RASGEF1B: variants seen among roughly 807,000 people sequenced by gnomAD.
RASGEF1B encodes the protein RasGEF domain family member 1B.
RASGEF1B carries 30 observed loss-of-function variants against 65.7 expected under a neutral mutation model. The ratio of observed to expected loss-of-function variants is 0.46; its 90% CI spans 0.34 to 0.62. The LOEUF is 0.62. Ranked by LOEUF, RASGEF1B falls within the 20% of genes least tolerant of loss-of-function variation. The pLI is 0.01. For synonymous variants in RASGEF1B, 175 were observed against 194.8 expected, an observed-to-expected ratio of 0.90 and a Z score of 0.85; for missense variants, 495 against 580.1, an observed-to-expected ratio of 0.85 and a Z score of 1.51.
At chr4:81,457,003 T>A (rs946370689) in intron 3 of RASGEF1B, among the ~76,000 whole-genome samples, 9 of 152,316 alleles carry the variant, frequency 5.9e-5, no homozygotes, top group South Asian at 2.1e-4. Context: ...ATTTATTTTT[T>A]AAAATTTTTA....
intron 1 of RASGEF1B, among the ~76,000 whole-genome samples, chr4:81,461,012 T>G (rs1410018992): frequency 7.1e-6 from 1 of 141,164 alleles, no homozygotes; most frequent in Non-Finnish European, 1.5e-5. Flanking sequence ...GGATATAACA[T>G]TAACACAGAT....
At chr4:81,429,074 G>T (rs965592260) in intron 13 of RASGEF1B, among the ~76,000 whole-genome samples, 1 of 152,240 alleles carries the variant, frequency 6.6e-6, no homozygotes, top group Admixed American at 6.5e-5. Context: ...GACATTAGGG[G>T]AAGACCCTGT....
Position 81,427,648 on chromosome 4 carries a change from T to C in RASGEF1B, c.*120A>G. 1 of 1,049,842 alleles carries C rather than the reference T, an allele frequency of 9.5e-7. No homozygotes were observed. The highest frequency in any genetic ancestry group is 1.4e-6 in the Non-Finnish European group (1 of 717,406). 65.0% of individuals were successfully genotyped at this position (1,049,842 alleles called of 1,614,324 possible). ...AGCTTGTGTGCTTTGCTGACCCGGG[T>C]GCTCCAATGACTGCAGGGTCTTCAT... On this transcript the variant is annotated 3_prime_UTR_variant, in exon 14 of 14. Transcript: ENST00000264400.
At position 81,461,185 on chromosome 4, in the gene RASGEF1B, G is replaced by A. The variant is rs139656383; in HGVS notation, c.-6-1671C>T. On this transcript the variant is annotated intron_variant, in intron 1 of 13. Coordinates refer to ENST00000264400, the MANE Select transcript of RASGEF1B (RefSeq NM_152545.3). Reference sequence around the variant, plus strand: ...AGTACTACTCCTGTGCAATATAATCGTTGCAAACTGGCCATCCTTGGCGGC... The same window carrying A: ...AGTACTACTCCTGTGCAATATAATCATTGCAAACTGGCCATCCTTGGCGGC... Among the ~76,000 whole-genome samples the A allele has an allele frequency of 6.6e-3, 999 of 152,226 alleles. 10 individuals are homozygous for A. The highest frequency in any genetic ancestry group is 0.022 in the African/African-American group (918 of 41,538).
At chr4:81,450,842 A>T (rs1400848606) in intron 4 of RASGEF1B, 1 of 152,224 alleles carries the variant, frequency 6.6e-6, no homozygotes, top group Non-Finnish European at 1.5e-5. Flanking sequence ...CAGCCTGGGT[A>T]ACAAAGTGAG....
intron 2 of RASGEF1B, chr4:81,459,125 A>G (rs775071620): frequency 1.1e-4 from 52 of 480,262 alleles, no homozygotes; most frequent in Non-Finnish European, 1.7e-4. Flanking sequence ...TAACCTGAAA[A>G]GAAATTGATA....
chr4:81,464,203 C>T (rs537024792), intron 1 of RASGEF1B, among the ~76,000 whole-genome samples: 226 of 152,302 alleles, frequency 1.5e-3, no homozygotes, highest in African/African-American at 5.2e-3. Context: ...CTCTCCACTG[C>T]CTGCCATCTG....
intron 4 of RASGEF1B, among the ~76,000 whole-genome samples, chr4:81,450,538 T>TGTTGTC (rs1253978545): frequency 4.0e-5 from 6 of 150,048 alleles, no homozygotes; most frequent in African/African-American, 1.5e-4. Context: ...GCTAATTTGT[T>TGTTGTC]GTTGTTGTTG....
chr4:81,440,806 T>C (rs1487411434), intron 10 of RASGEF1B, 28 bp downstream of exon 10: 2 of 1,446,098 alleles, frequency 1.4e-6, no homozygotes, highest in Admixed American at 1.8e-5. Context: ...AACTCTACCA[T>C]AAGAAAGATA....
intron 10 of RASGEF1B, among the ~76,000 whole-genome samples, chr4:81,440,104 A>G (rs1289073890): frequency 6.6e-6 from 1 of 152,160 alleles, no homozygotes; most frequent in Non-Finnish European, 1.5e-5. Flanking sequence ...ACCGAAAATA[A>G]CCTCCATCAA....
Position 81,427,545 on chromosome 4 carries a change from C to T in RASGEF1B, c.*223G>A. On this transcript the variant is annotated 3_prime_UTR_variant, in exon 14 of 14. Transcript: ENST00000264400. ...TAGAGGATTCTTTCTCAAGTGTCTTCAGTGAACATTTCAGTCTCACAAAAT... is the reference window on the plus strand; with the variant it reads ...TAGAGGATTCTTTCTCAAGTGTCTTTAGTGAACATTTCAGTCTCACAAAAT... The T allele has an allele frequency of 2.0e-6, 1 of 495,288 alleles. No homozygotes were observed. The highest frequency in any genetic ancestry group is 3.6e-6 in the Non-Finnish European group (1 of 281,540). 30.7% of individuals were successfully genotyped at this position (495,288 alleles called of 1,614,324 possible).
rs543384230 is a variant in RASGEF1B at position 81,466,615 on chromosome 4, T to C, written c.-7+5155A>G. Among the ~76,000 whole-genome samples the C allele has an allele frequency of 6.6e-4, 100 of 151,290 alleles. 2 individuals are homozygous for C. Among genetic ancestry groups the C allele is most frequent in the Non-Finnish European group, 1.1e-3 (76 of 67,774 alleles). ...TCTACTAAAAACACAAAAAATTAGC[T>C]GGGCGTGGTGGCGGGTGCCTGTAGT... On this transcript the variant is annotated intron_variant, in intron 1 of 13. Coordinates refer to ENST00000264400, the MANE Select transcript of RASGEF1B (RefSeq NM_152545.3).
intron 7 of RASGEF1B, 46 bp from the exon 8 acceptor site, chr4:81,445,674 C>T (rs1386153874): frequency 1.9e-6 from 3 of 1,582,658 alleles, no homozygotes; most frequent in Non-Finnish European, 2.6e-6. Flanking sequence ...GTATGAAGGC[C>T]CAACAGTTCT....
intron 9 of RASGEF1B, among the ~76,000 whole-genome samples, chr4:81,441,851 T>C (rs1721849675): frequency 6.6e-6 from 1 of 152,148 alleles, no homozygotes; most frequent in African/African-American, 2.4e-5. Context: ...CCCACAATTC[T>C]TACTATCCTC....
chr4:81,453,214 G>T (rs773757147), intron 4 of RASGEF1B: 4 of 152,162 alleles, frequency 2.6e-5, no homozygotes, highest in African/African-American at 9.7e-5. Context: ...AACAAAGAGG[G>T]CACAGCATGG....
At chr4:81,428,275 A>C (rs931177033) in intron 13 of RASGEF1B, among the ~76,000 whole-genome samples, 5 of 152,224 alleles carry the variant, frequency 3.3e-5, no homozygotes, top group Admixed American at 6.5e-5. Flanking sequence ...AGGGCCACCA[A>C]GAAAAGCATC....
chr4:81,445,800 T>G lies in RASGEF1B; in HGVS notation c.768A>C (p.Glu256Asp), dbSNP rs780314098. Residue 256 changes from glutamate (E) to aspartate (D), a missense_variant, in exon 7 of 14, where the codon GAA (glutamate) becomes GAC (aspartate). Glu to Asp is a conservative substitution (Grantham distance 45, BLOSUM62 2). Transcript: ENST00000264400. ...YSERKKTRNL[E>D]AYVEWFNRLS... is the part of the protein sequence containing the mutation. Reference sequence around the variant, plus strand: ...GGCGATTAAACCATTCCACGTAAGCTTCTAAGTTTCGTGTTTTCTTCCGTT... The same window carrying G: ...GGCGATTAAACCATTCCACGTAAGCGTCTAAGTTTCGTGTTTTCTTCCGTT... The G allele has an allele frequency of 3.1e-6, 5 of 1,614,150 alleles. No individual in the cohort carries two copies. Among genetic ancestry groups the G allele is most frequent in the Non-Finnish European group, 4.2e-6 (5 of 1,179,986 alleles).
At chr4:81,435,774 CTTT>C (rs34304493) in intron 10 of RASGEF1B, among the ~76,000 whole-genome samples, 3 of 91,590 alleles carry the variant, frequency 3.3e-5, no homozygotes, top group Admixed American at 1.2e-4. Context: ...CGCGCCTGGC[CTTT>C]TTTTTTTTTT....
At position 81,444,090 on chromosome 4, in the gene RASGEF1B, T is replaced by C. The variant is rs1192312579; in HGVS notation, c.928+1436A>G. ...CATTAATATACAGTATCCTCTCGCA[T>C]GACAAATCTGTTTCAGTCTTTTGGC... is the stretch of plus-strand genomic sequence containing the variant. On this transcript the variant is annotated intron_variant, in intron 8 of 13. Coordinates refer to ENST00000264400, the MANE Select transcript of RASGEF1B (RefSeq NM_152545.3). Among the ~76,000 whole-genome samples the C allele has an allele frequency of 4.4e-4, 67 of 152,246 alleles. 2 individuals are homozygous for C. The highest frequency in any genetic ancestry group is 4.4e-3 in the Admixed American group (67 of 15,280).
Sources: gnomAD v4.1 joint callset for allele counts (sites outside exome capture counted in the v4.1 genomes callset) on GRCh38, gnomAD v4.1.1 for gene constraint, MANE v1.5 for transcripts, NCBI Gene and HGNC (gene_info 2026-07-23, HGNC 2026-07-21) for gene names.